Variants in APBB2 observed in about 807,000 individuals in gnomAD.
The protein encoded by APBB2 is Fe65-like 1.
A neutral mutation model predicts 82.5 loss-of-function variants in APBB2; 38 were observed. The ratio of observed to expected loss-of-function variants is 0.46; its 90% CI spans 0.36 to 0.60. The LOEUF is 0.60. Ranked by LOEUF, APBB2 falls within the 20% of genes least tolerant of loss-of-function variation. The pLI, the probability that APBB2 is intolerant of heterozygous loss-of-function variation, is 0.00. For synonymous variants in APBB2, 341 were observed against 368.2 expected (o/e 0.93, Z 0.85); for missense variants, 772 against 972.3 (o/e 0.79, Z 2.74).
At chr4:41,154,887 C>G (rs1763086383) in intron 1 of APBB2, among the ~76,000 whole-genome samples, 1 of 152,156 alleles carries the variant, frequency 6.6e-6, no homozygotes, top group Non-Finnish European at 1.5e-5. Flanking sequence ...CAATCAGAAC[C>G]AAAAGGGAGA....
At chr4:41,061,960 G>A (rs1403177985) in intron 4 of APBB2, among the ~76,000 whole-genome samples, 2 of 152,198 alleles carry the variant, frequency 1.3e-5, no homozygotes, top group Non-Finnish European at 2.9e-5. Context: ...GCATGTTGCT[G>A]TTGTTTTTTA....
chr4:40,982,409 GAAA>G lies in APBB2; in HGVS notation c.835+31171_835+31173del, dbSNP rs1288336484. ...AAGGAAGGAAAGGAAAGGAAAGAAA[GAAA>G]GAAAGAAAGAAAGAAAGAAAGAAAG... is the stretch of plus-strand genomic sequence containing the variant. On this transcript the variant is annotated intron_variant, in intron 6 of 17. Coordinates refer to ENST00000508593, the MANE Select transcript of APBB2 (RefSeq NM_004307.2). 9.2e-5 allele frequency among the ~76,000 whole-genome samples: 8 copies of G among 87,028 alleles called. No individual in the cohort carries two copies. In the East Asian group the frequency reaches 1.4e-3, roughly 15 times the overall value. 57.1% of individuals were successfully genotyped at this position (87,028 alleles called of 152,430 possible).
At chr4:40,967,687 G>C (rs796151791) in intron 6 of APBB2, among the ~76,000 whole-genome samples, 11 of 152,286 alleles carry the variant, frequency 7.2e-5, no homozygotes, top group African/African-American at 2.6e-4. Flanking sequence ...CTCACTTTTG[G>C]CAGGTGTGGG....
chr4:40,935,017 G>T, intron 8 of APBB2, 60 bp downstream of exon 8: 1 of 1,326,422 alleles, frequency 7.5e-7, no homozygotes, highest in Non-Finnish European at 1.0e-6. Flanking sequence ...AAAATATACA[G>T]CCACAGCCAT....
intron 3 of APBB2, among the ~76,000 whole-genome samples, chr4:41,072,792 A>G (rs542374332): frequency 1.3e-5 from 2 of 152,220 alleles, no homozygotes; most frequent in Non-Finnish European, 2.9e-5. Context: ...AACAAAACCA[A>G]TTGCCCTGAT....
chr4:40,884,001 G>T (rs948136020), intron 12 of APBB2, among the ~76,000 whole-genome samples: 14 of 152,204 alleles, frequency 9.2e-5, no homozygotes, highest in Admixed American at 6.5e-5. Context: ...GAAGAAGCCA[G>T]ACTGTAAGGA....
intron 3 of APBB2, among the ~76,000 whole-genome samples, chr4:41,093,399 G>A (rs991548036): frequency 6.6e-6 from 1 of 152,132 alleles, no homozygotes; most frequent in Non-Finnish European, 1.5e-5. Context: ...CACAATTTTG[G>A]CTTCCTTTTA....
At chr4:41,041,048 T>A (rs150395998) in intron 4 of APBB2, among the ~76,000 whole-genome samples, 9,504 of 151,972 alleles carry the variant, frequency 0.063, 997 homozygotes, top group African/African-American at 0.22. Flanking sequence ...ACCCGGCTGA[T>A]TTTTTGTATT....
intron 2 of APBB2, 48 bp from the exon 3 acceptor site, chr4:41,100,798 A>G (rs1285671267): frequency 1.3e-5 from 2 of 152,230 alleles, no homozygotes; most frequent in African/African-American, 2.4e-5. Flanking sequence ...ATCATATCAG[A>G]AATGAAAAAT....
chr4:40,897,169 A>G (rs1265436550), intron 10 of APBB2, among the ~76,000 whole-genome samples: 2 of 152,226 alleles, frequency 1.3e-5, no homozygotes, highest in Non-Finnish European at 2.9e-5. Flanking sequence ...TCTTAGCTAA[A>G]ATATGCAAAT....
Position 41,131,722 on chromosome 4 carries a change from A to G in APBB2, c.-261+11265T>C, listed in dbSNP as rs1258134062. On this transcript the variant is annotated intron_variant, in intron 2 of 17. Coordinates refer to ENST00000508593, the MANE Select transcript of APBB2 (RefSeq NM_004307.2). ...CTAAAATTCTTATGAAATTAGAAAA[A>G]TAACACTGTTTACTGATTTTTAAAA... Among the ~76,000 whole-genome samples, 5 of 152,194 alleles carry G rather than the reference A, an allele frequency of 3.3e-5. 1 individual carries two copies. The highest frequency in any genetic ancestry group is 7.3e-5 in the Non-Finnish European group (5 of 68,038).
chr4:41,157,941 G>A (rs1313794435), intron 1 of APBB2, among the ~76,000 whole-genome samples: 7 of 152,100 alleles, frequency 4.6e-5, no homozygotes, highest in Non-Finnish European at 7.4e-5. Flanking sequence ...GCAGTGAGCC[G>A]AGATTGCGCC....
rs561565325 is a variant in APBB2, at chr4:41,139,347, G to T, written c.-261+3640C>A. On this transcript the variant is annotated intron_variant, in intron 2 of 17. Coordinates refer to ENST00000508593, the MANE Select transcript of APBB2 (RefSeq NM_004307.2). The stretch of plus-strand genomic sequence containing the variant: ...AAAACTCTCAGCAACTAGAAATAGA[G>T]GGGAAATTTGTCAACTTGATAAAGA... 5.3e-5 allele frequency among the ~76,000 whole-genome samples: 8 copies of T among 152,212 alleles called. No homozygotes were observed. In the South Asian group the frequency reaches 1.0e-3, roughly 20 times the overall value.
chr4:40,858,708 T>G (rs1357356605), intron 12 of APBB2, among the ~76,000 whole-genome samples: 1 of 152,240 alleles, frequency 6.6e-6, no homozygotes, highest in Non-Finnish European at 1.5e-5. Flanking sequence ...CAACATTTAC[T>G]AAGCTCCTCC....
At position 41,013,644 on chromosome 4, in the gene APBB2, C is replaced by A; in HGVS notation, c.774G>T (p.Glu258Asp). ...HRIQNLAPSD[E>D]ESSWTTLSQD... ...GGGACAACGTTGTCCAGCTGGACTC[C>A]TCATCGCTCGGTGCCAGGTTCTGGA... The change falls in exon 6 of 18, where the codon GAG becomes GAT. Residue 258 changes from glutamate (E) to aspartate (D), a missense_variant. Physicochemically the swap from Glu to Asp is conservative, Grantham distance 45. Coordinates refer to ENST00000508593, the MANE Select transcript of APBB2 (RefSeq NM_004307.2). 1 of 1,614,242 alleles carries A rather than the reference C, an allele frequency of 6.2e-7. No individual in the cohort carries two copies. Among genetic ancestry groups the A allele is most frequent in the Non-Finnish European group, 8.5e-7 (1 of 1,180,046 alleles).
intron 1 of APBB2, among the ~76,000 whole-genome samples, chr4:41,149,752 T>C (rs77046202): frequency 0.097 from 14,774 of 152,164 alleles, 812 homozygotes; most frequent in African/African-American, 0.15. Context: ...AGGGACCCAG[T>C]GGGCGGTAAC....
chr4:41,019,036 T>G (rs2154432376), intron 5 of APBB2, among the ~76,000 whole-genome samples: 1 of 152,298 alleles, frequency 6.6e-6, no homozygotes, highest in East Asian at 1.9e-4. Flanking sequence ...AAGTGAGGAT[T>G]GAAGAGTCTG....
At chr4:40,982,846 T>G (rs1327052312) in intron 6 of APBB2, among the ~76,000 whole-genome samples, 2 of 151,984 alleles carry the variant, frequency 1.3e-5, no homozygotes, top group East Asian at 3.9e-4. Context: ...ATGCAGCAAG[T>G]ACAAAAGTAG....
At chr4:41,202,100 G>C (rs992524207) in intron 1 of APBB2, among the ~76,000 whole-genome samples, 2 of 152,202 alleles carry the variant, frequency 1.3e-5, no homozygotes. Flanking sequence ...CTATTTTTAA[G>C]TGTATAGTTC....
Sources: allele counts gnomAD v4.1 joint callset (sites outside exome capture counted in the v4.1 genomes callset), GRCh38; gene constraint gnomAD v4.1.1; transcripts MANE v1.5; gene names NCBI Gene and HGNC (gene_info 2026-07-23, HGNC 2026-07-21).